Variants in TASOR2 observed in about 807,000 individuals in gnomAD.
TASOR2 encodes transcription activation suppressor family member 2, also known as protein TASOR 2.
TASOR2 carries 84 observed loss-of-function variants against 199.5 expected under a neutral mutation model. The observed-to-expected ratio is 0.42, with a 90% CI of 0.35 to 0.50. The LOEUF (loss-of-function observed/expected upper bound fraction) is 0.50, where lower values mean the gene tolerates loss of function less well. TASOR2 is among the 20% of genes least tolerant of loss of function. TASOR2 has a pLI of 0.02. For synonymous variants in TASOR2, 1,103 were observed against 1,046.6 expected, an observed-to-expected ratio of 1.05 and a Z score of -1.04; for missense variants, 2,796 against 2,835.9, an observed-to-expected ratio of 0.99 and a Z score of 0.32.
At chr10:5,709,635 G>A (rs1213093337) in intron 1 of TASOR2, 7 of 1,230,958 alleles carry the variant, frequency 5.7e-6, no homozygotes. Context: ...TCTTAGAGAA[G>A]ATCGAGACAG....
At chr10:5,714,286 G>A in intron 2 of TASOR2, 79 bp downstream of exon 3, 1 of 868,200 alleles carries the variant, frequency 1.2e-6, no homozygotes, top group Middle Eastern at 4.0e-4. Context: ...AGTTTTATAA[G>A]ATATGTATAT....
In TASOR2 at chr10:5,752,158, C is replaced by G. The variant is rs917562212; in HGVS notation, c.6606+2131C>G. 2.6e-5 allele frequency among the ~76,000 whole-genome samples: 4 copies of G among 152,194 alleles called. No homozygotes were observed. Among genetic ancestry groups the G allele is most frequent in the Non-Finnish European group, 1.5e-5 (1 of 68,044 alleles). On this transcript the variant is annotated intron_variant, in intron 15 of 20. Transcript: ENST00000328090. This position sits in a 1 kb window ranked among gnomAD's most constrained non-coding sequence, Gnocchi z 4.4. ...GTCAGCAGTCCTGTTTAGTATCTAC[C>G]TCAGAGCCCCAACATGTGCAGGTGG... is the stretch of plus-strand genomic sequence containing the variant.
At position 5,701,893 on chromosome 10, in the gene TASOR2, G is replaced by A. The variant is rs1004204176; in HGVS notation, c.-287-10930G>A. On this transcript the variant is annotated intron_variant, in intron 1 of 20. Transcript: ENST00000328090. The surrounding 1 kb of genome is among the most constrained non-coding windows in gnomAD (Gnocchi z 4.9). ...CAGGTTTTTCTAAGTATAAGATCACGTTATCTGTGAACAGGCTTATTTGAC... is the reference window on the plus strand; with the variant it reads ...CAGGTTTTTCTAAGTATAAGATCACATTATCTGTGAACAGGCTTATTTGAC... 2.0e-5 allele frequency among the ~76,000 whole-genome samples: 3 copies of A among 149,598 alleles called. No homozygotes were observed. The highest frequency in any genetic ancestry group is 6.7e-5 in the Admixed American group (1 of 14,918).
exon 15 of TASOR2, chr10:5,746,816 A>C (rs1324853535): frequency 6.2e-7 from 1 of 1,614,194 alleles, no homozygotes; most frequent in East Asian, 2.2e-5. Flanking sequence ...GTAGGTGGAG[A>C]GACACTTGAT....
At chr10:5,694,366 A>T (rs2131500592) in intron 1 of TASOR2, among the ~76,000 whole-genome samples, 1 of 152,342 alleles carries the variant, frequency 6.6e-6, no homozygotes, top group African/African-American at 2.4e-5. Flanking sequence ...TTTGTTAAGT[A>T]AATATTTATT....
chr10:5,755,947 G>A (rs1403309781), intron 15 of TASOR2, among the ~76,000 whole-genome samples: 1 of 151,326 alleles, frequency 6.6e-6, no homozygotes, highest in African/African-American at 2.4e-5. Context: ...AGCTATGTTC[G>A]TTTCACTTTA....
In TASOR2 at chr10:5,725,179, C is replaced by T. The variant is rs562534918; in HGVS notation, c.351+646C>T. ...CTTTGGGAGACCAAGGCGGGCGGAT[C>T]ACGAGGTCAGGAGATCGAGACCATC... On this transcript the variant is annotated intron_variant, in intron 8 of 20. Transcript: ENST00000328090. 2.0e-5 allele frequency among the ~76,000 whole-genome samples: 3 copies of T among 152,096 alleles called. No individual in the cohort carries two copies. The East Asian group carries it at 5.8e-4, about 30-fold the overall frequency.
In TASOR2 at chr10:5,720,833, A is replaced by G. The variant is rs1458012414; in HGVS notation, c.47-38A>G. On this transcript the variant is annotated intron_variant, in intron 5 of 20. Transcript: ENST00000328090. This position sits in a 1 kb window ranked among gnomAD's most constrained non-coding sequence, Gnocchi z 5.3. ...TTTTTTCTTGAGTAAATGTTTCATC[A>G]TAAATAATCAGTTTCTTTTTTACCT... 1 of 1,592,188 alleles carries G rather than the reference A, an allele frequency of 6.3e-7. No homozygotes were observed. The highest frequency in any genetic ancestry group is 1.8e-5 in the Admixed American group (1 of 54,226).
At chr10:5,763,155 A>G (rs1840148421) in exon 21 of TASOR2, 1 of 925,316 alleles carries the variant, frequency 1.1e-6, no homozygotes, top group Non-Finnish European at 1.6e-6. Flanking sequence ...CCAATGTTCT[A>G]CAACTTGGAA....
In TASOR2 at chr10:5,698,348, A is replaced by C. The variant is rs1404754727; in HGVS notation, c.-288+13173A>C. ...GCTGAATTCAATGAACACTGTAGAGATGTGAGTGATAAAAAAATGATTGTG... is the reference window on the plus strand; with the variant it reads ...GCTGAATTCAATGAACACTGTAGAGCTGTGAGTGATAAAAAAATGATTGTG... On this transcript the variant is annotated intron_variant, in intron 1 of 20. Transcript: ENST00000328090. This position sits in a 1 kb window ranked among gnomAD's most constrained non-coding sequence, Gnocchi z 4.4. 6.6e-6 allele frequency among the ~76,000 whole-genome samples: 1 copy of C among 152,176 alleles called. No individual in the cohort carries two copies. Among genetic ancestry groups the C allele is most frequent in the African/African-American group, 2.4e-5 (1 of 41,432 alleles).
chr10:5,688,078 G>A (rs1278939173), intron 1 of TASOR2, among the ~76,000 whole-genome samples: 1 of 152,064 alleles, frequency 6.6e-6, no homozygotes, highest in Non-Finnish European at 1.5e-5. Context: ...TCATTGTGTT[G>A]CCATGTATTA....
Position 5,712,891 on chromosome 10 carries a change from G to A in TASOR2, c.-219G>A, listed in dbSNP as rs1832096785. 1.4e-5 allele frequency: 17 copies of A among 1,231,100 alleles called. No homozygotes were observed. In the South Asian group the frequency reaches 2.9e-4, roughly 21 times the overall value. 76.3% of individuals were successfully genotyped at this position (1,231,100 alleles called of 1,614,324 possible). ...AGGAAGAACTTCAAGACACTTACGG[G>A]TTTCTTCTGTTTGATACTGAAAAGC... On this transcript the variant is annotated 5_prime_UTR_variant, in exon 2 of 21. Transcript: ENST00000328090.
chr10:5,749,017 T>A lies in TASOR2; in HGVS notation c.5596T>A (p.Tyr1866Asn), dbSNP rs747898353. ...GAAAAAAGATGTTCCCACAGATGGC[T>A]ATGAGTCGTCGTTGAACTTCCACAA... is the stretch of plus-strand genomic sequence containing the variant. Residue 1866 changes from tyrosine to asparagine, a missense_variant, in exon 15 of 21, where the codon TAT (tyrosine) becomes AAT (asparagine). By Grantham distance (143) the Tyr-to-Asn change is moderately radical. This residue lies in a region of TASOR2 where 1,941 missense variants were observed against 1,924.9 expected (regional missense o/e 1.01). Coordinates refer to ENST00000328090, the Ensembl canonical transcript of TASOR2. 1.2e-6 allele frequency: 2 copies of A among 1,614,150 alleles called. No homozygotes were observed. The highest frequency in any genetic ancestry group is 1.7e-6 in the Non-Finnish European group (2 of 1,180,028).
Position 5,689,820 on chromosome 10 carries a change from C to G in TASOR2, c.-288+4645C>G, listed in dbSNP as rs1836223760. On this transcript the variant is annotated intron_variant, in intron 1 of 20. Transcript: ENST00000328090. The surrounding 1 kb of genome is among the most constrained non-coding windows in gnomAD (Gnocchi z 4.1). ...TTTCACTTTGTTTCCCACAGCTTCCCCAACAGACATACATTGCCAAACTTG... is the reference window on the plus strand; with the variant it reads ...TTTCACTTTGTTTCCCACAGCTTCCGCAACAGACATACATTGCCAAACTTG... Among the ~76,000 whole-genome samples the G allele has an allele frequency of 6.6e-6, 1 of 152,104 alleles. No homozygotes were observed. Among genetic ancestry groups the G allele is most frequent in the African/African-American group, 2.4e-5 (1 of 41,404 alleles).
Position 5,748,671 on chromosome 10 carries a change from C to T in TASOR2, c.5250C>T (p.Ser1750=). 1.2e-6 allele frequency: 2 copies of T among 1,614,212 alleles called. No individual in the cohort carries two copies. The highest frequency in any genetic ancestry group is 8.5e-7 in the Non-Finnish European group (1 of 1,180,042). The change falls in exon 15 of 21, where the codon TCC becomes TCT. Residue 1750 remains serine (S), a synonymous_variant. Coordinates refer to ENST00000328090, the Ensembl canonical transcript of TASOR2. The surrounding 1 kb of genome is among the most constrained non-coding windows in gnomAD (Gnocchi z 5.1). The stretch of plus-strand genomic sequence containing the variant: ...AGGAGCTATTGAATGTCGGGGTTTC[C>T]TCCCTTTGTGCTGGTCCCTACCAAA...
chr10:5,743,263 TA>T (rs1455301673), intron 14 of TASOR2, among the ~76,000 whole-genome samples: 1 of 152,206 alleles, frequency 6.6e-6, no homozygotes, highest in Non-Finnish European at 1.5e-5. Flanking sequence ...AGTGTTCCTA[TA>T]CCCGGGGTCA....
At chr10:5,709,424 C>A in intron 1 of TASOR2, 1 of 685,126 alleles carries the variant, frequency 1.5e-6, no homozygotes, top group Non-Finnish European at 2.0e-6. Flanking sequence ...ATAAATATTA[C>A]ATAATTATTC....
intron 18 of TASOR2, among the ~76,000 whole-genome samples, chr10:5,759,585 A>T (rs894958730): frequency 6.6e-6 from 1 of 152,250 alleles, no homozygotes; most frequent in Non-Finnish European, 1.5e-5. Flanking sequence ...TGTTAGGTGC[A>T]TCCATTTTCA....
intron 15 of TASOR2, among the ~76,000 whole-genome samples, chr10:5,753,707 T>A (rs932784347): frequency 5.3e-5 from 8 of 152,148 alleles, no homozygotes; most frequent in Admixed American, 3.9e-4. Flanking sequence ...GGTTTTATAT[T>A]CCCTCTGTTG....
Sources: gnomAD v4.1 joint callset for allele counts (sites outside exome capture counted in the v4.1 genomes callset) on GRCh38, gnomAD v4.1.1 for gene constraint, gnomAD v4.1.1 regional missense constraint, Gnocchi (gnomAD v3.1) non-coding constraint, MANE v1.5 for transcripts, NCBI Gene and HGNC (gene_info 2026-07-23, HGNC 2026-07-21) for gene names.